The following RDH10 variants were observed in gnomAD, a reference collection of about 807,000 sequenced individuals.
RDH10 encodes retinol dehydrogenase 10 (all-trans).
In RDH10, 12 loss-of-function variants were observed where a neutral mutation model predicts 30.2. That is an observed-to-expected ratio of 0.40 (90% confidence interval 0.25 to 0.64). The LOEUF is 0.64. Among genes scored for constraint, RDH10 ranks in the 30% least tolerant of loss-of-function variants. The pLI, the probability that RDH10 is intolerant of heterozygous loss-of-function variation, is 0.43. For synonymous variants in RDH10, 189 were observed against 172.2 expected, an observed-to-expected ratio of 1.10 and a Z score of -0.76; for missense variants, 268 against 445.2, an observed-to-expected ratio of 0.60 and a Z score of 3.58.
At chr8:73,307,847 G>GT (rs1360241760) in intron 2 of RDH10, among the ~76,000 whole-genome samples, 1 of 152,196 alleles carries the variant, frequency 6.6e-6, no homozygotes, top group Non-Finnish European at 1.5e-5. Flanking sequence ...TAGTTTAGCA[G>GT]TAACTGATTA....
chr8:73,300,243 G>A (rs1480473895), intron 2 of RDH10: 1 of 152,164 alleles, frequency 6.6e-6, no homozygotes, highest in Non-Finnish European at 1.5e-5. Flanking sequence ...AATCTTTTGA[G>A]AAGTTTTGAT....
chr8:73,303,627 T>A (rs1264826257), intron 2 of RDH10, among the ~76,000 whole-genome samples: 1 of 152,230 alleles, frequency 6.6e-6, no homozygotes, highest in East Asian at 1.9e-4. Context: ...TTAAACAGAG[T>A]TGTAAATTGA....
At chr8:73,308,127 G>A (rs918320085) in intron 2 of RDH10, among the ~76,000 whole-genome samples, 1 of 152,126 alleles carries the variant, frequency 6.6e-6, no homozygotes. Context: ...AAAAAGTCAC[G>A]AATGGATAGG....
rs1028112089 is a variant in RDH10 at position 73,324,240 on chromosome 8, G to C, written c.*1204G>C. ...CTTATTCTATGGCATATGTATGGAA[G>C]GGTGTAAAGATTCTTTTGAAAGGTT... On this transcript the variant is annotated 3_prime_UTR_variant, in exon 6 of 6. Coordinates refer to ENST00000240285, the MANE Select transcript of RDH10 (RefSeq NM_172037.5). 2.6e-5 allele frequency: 4 copies of C among 152,622 alleles called. No individual in the cohort carries two copies. The highest frequency in any genetic ancestry group is 9.7e-5 in the African/African-American group (4 of 41,442). 9.5% of individuals were successfully genotyped at this position (152,622 alleles called of 1,614,324 possible).
intron 2 of RDH10, among the ~76,000 whole-genome samples, chr8:73,314,401 G>T (rs1217721568): frequency 6.6e-6 from 1 of 152,216 alleles, no homozygotes; most frequent in Non-Finnish European, 1.5e-5. Flanking sequence ...TAGAATTCAT[G>T]TTGATCAAAG....
At chr8:73,299,989 C>A (rs1814346765) in intron 2 of RDH10, among the ~76,000 whole-genome samples, 1 of 152,066 alleles carries the variant, frequency 6.6e-6, no homozygotes, top group South Asian at 2.1e-4. Flanking sequence ...ATCTGTATAC[C>A]AGGGAGGAGC....
At chr8:73,295,600 G>T (rs1051487273) in intron 1 of RDH10, 22 bp downstream of exon 1, 1 of 1,471,716 alleles carries the variant, frequency 6.8e-7, no homozygotes, top group Admixed American at 2.4e-5. Flanking sequence ...CCGCGCGGGA[G>T]CATTGTTGGG....
At chr8:73,307,520 C>T (rs1259303316) in intron 2 of RDH10, among the ~76,000 whole-genome samples, 1 of 152,176 alleles carries the variant, frequency 6.6e-6, no homozygotes, top group Non-Finnish European at 1.5e-5. Flanking sequence ...AAAGCCTTTT[C>T]ATAAACACTT....
At chr8:73,322,859 G>C (rs746513232) in intron 5 of RDH10, 49 bp downstream of exon 5, 2 of 1,613,776 alleles carry the variant, frequency 1.2e-6, no homozygotes, top group Admixed American at 3.3e-5. Context: ...ATGCCTGCCC[G>C]ATGTCTTAAT....
intron 2 of RDH10, chr8:73,297,807 C>G: frequency 8.8e-6 from 2 of 226,480 alleles, no homozygotes; most frequent in Non-Finnish European, 1.8e-5. Flanking sequence ...TTCCAAATTA[C>G]TGCTCAGCCA....
intron 2 of RDH10, among the ~76,000 whole-genome samples, chr8:73,301,882 C>T (rs1479242741): frequency 6.6e-6 from 1 of 152,190 alleles, no homozygotes; most frequent in Non-Finnish European, 1.5e-5. Flanking sequence ...TTCCATTCTC[C>T]CTGTCCCACA....
intron 3 of RDH10, 82 bp from the exon 4 acceptor site, chr8:73,320,850 T>A: frequency 7.4e-7 from 1 of 1,352,920 alleles, no homozygotes. Context: ...CTAAACATGG[T>A]AATAGGACCA....
intron 4 of RDH10, 66 bp from the exon 5 acceptor site, chr8:73,322,613 A>G: frequency 2.3e-6 from 3 of 1,284,650 alleles, no homozygotes; most frequent in Admixed American, 3.8e-5. Flanking sequence ...TAATGTTTTG[A>G]TATGTATTTC....
chr8:73,297,624 C>T, intron 2 of RDH10, 195 bp downstream of exon 2: 4 of 539,350 alleles, frequency 7.4e-6, no homozygotes, highest in South Asian at 6.4e-5. Flanking sequence ...CCCCCGCCAC[C>T]CCTAACTCAG....
At chr8:73,308,092 A>G (rs1489304461) in intron 2 of RDH10, among the ~76,000 whole-genome samples, 1 of 152,138 alleles carries the variant, frequency 6.6e-6, no homozygotes, top group Non-Finnish European at 1.5e-5. Flanking sequence ...TAGTTTGCAT[A>G]TCAGCATTGA....
At chr8:73,301,218 T>C (rs1029830545) in intron 2 of RDH10, among the ~76,000 whole-genome samples, 4 of 149,878 alleles carry the variant, frequency 2.7e-5, no homozygotes, top group Non-Finnish European at 4.5e-5. Flanking sequence ...GCCTGGCTAA[T>C]TTTTTGTATT....
intron 1 of RDH10, 160 bp from the exon 2 acceptor site, chr8:73,297,034 A>C (rs1454525698): frequency 1.6e-6 from 1 of 612,508 alleles, no homozygotes; most frequent in Non-Finnish European, 3.0e-6. Context: ...AGGCAGCTGT[A>C]AAGCTCAGTC....
chr8:73,320,749 G>A (rs1469259492), intron 3 of RDH10, among the ~76,000 whole-genome samples, 183 bp from the exon 4 acceptor site: 1 of 152,134 alleles, frequency 6.6e-6, no homozygotes, highest in African/African-American at 2.4e-5. Context: ...TAGGATTACA[G>A]GCATGAGCCA....
At chr8:73,317,032 C>T (rs1814682300) in intron 2 of RDH10, among the ~76,000 whole-genome samples, 1 of 152,210 alleles carries the variant, frequency 6.6e-6, no homozygotes, top group African/African-American at 2.4e-5. Flanking sequence ...CTCTCCTCCA[C>T]AGTGCCTGTC....
Sources: allele counts gnomAD v4.1 joint callset (sites outside exome capture counted in the v4.1 genomes callset), GRCh38; gene constraint gnomAD v4.1.1; transcripts MANE v1.5; gene names NCBI Gene and HGNC (gene_info 2026-07-23, HGNC 2026-07-21).